The following ACOXL variants were observed in gnomAD, a reference collection of about 807,000 sequenced individuals.
ACOXL encodes acyl-CoA oxidase like, also known as acyl-coenzyme A oxidase-like protein.
ACOXL carries 70 observed loss-of-function variants against 71.9 expected under a neutral mutation model. That is an observed-to-expected ratio of 0.97 (90% CI 0.80 to 1.19). ACOXL has a LOEUF of 1.19. Ranked by LOEUF, ACOXL falls within the 50% of genes most tolerant of loss-of-function variation. ACOXL has a pLI of 0.00. For missense variants in ACOXL, 703 were observed against 736.3 expected (o/e 0.95, Z 0.52); for synonymous variants, 253 against 281.6 (o/e 0.90, Z 1.02).
intron 16 of ACOXL, among the ~76,000 whole-genome samples, chr2:111,089,360 T>G (rs1055671469): frequency 2.0e-5 from 3 of 152,218 alleles, no homozygotes; most frequent in Non-Finnish European, 4.4e-5. Flanking sequence ...GTCTTGATTT[T>G]GGCCAACATT....
intron 10 of ACOXL, among the ~76,000 whole-genome samples, chr2:110,880,757 G>A (rs1696539764): frequency 6.6e-6 from 1 of 152,170 alleles, no homozygotes; most frequent in African/African-American, 2.4e-5. Flanking sequence ...AGATTGGAGT[G>A]AGCTGTGATG....
At chr2:110,935,619 C>G (rs2060633417) in intron 12 of ACOXL, among the ~76,000 whole-genome samples, 2 of 152,224 alleles carry the variant, frequency 1.3e-5, no homozygotes, top group Non-Finnish European at 2.9e-5. Flanking sequence ...GGCACGCTGC[C>G]TCACAGAACT....
intron 12 of ACOXL, among the ~76,000 whole-genome samples, chr2:110,984,281 A>G (rs1251563585): frequency 2.0e-5 from 3 of 152,196 alleles, no homozygotes; most frequent in Non-Finnish European, 4.4e-5. Context: ...ACACACATAT[A>G]TACTACATAG....
intron 12 of ACOXL, among the ~76,000 whole-genome samples, chr2:110,979,892 C>T (rs1429264920): frequency 6.6e-6 from 1 of 152,150 alleles, no homozygotes; most frequent in African/African-American, 2.4e-5. Flanking sequence ...TGCAGAAATT[C>T]TGAGTTTTCA....
chr2:110,968,111 C>G, intron 12 of ACOXL: 1 of 1,335,172 alleles, frequency 7.5e-7, no homozygotes, highest in Non-Finnish European at 1.1e-6. Flanking sequence ...GTTGGCCTGA[C>G]AAATTATGCT....
chr2:110,919,561 A>G (rs563510292), intron 11 of ACOXL, among the ~76,000 whole-genome samples: 1 of 152,274 alleles, frequency 6.6e-6, no homozygotes, highest in South Asian at 2.1e-4. Context: ...TATAATAGTA[A>G]AAAAATAAAA....
rs751758374 is a variant in ACOXL at position 110,955,442 on chromosome 2, C to G, written c.1059+21800C>G. ...CTAGTCCACCTCCCTCTCTCTCTCT[C>G]TCTCTCTCTCTCTGTCTCTCGCCAC... On this transcript the variant is annotated intron_variant, in intron 12 of 17. Coordinates refer to ENST00000439055, the MANE Select transcript of ACOXL (RefSeq NM_001142807.4). 5.4e-3 allele frequency among the ~76,000 whole-genome samples: 817 copies of G among 151,752 alleles called. 1 individual carries two copies. Among genetic ancestry groups the G allele is most frequent in the Admixed American group, 0.01 (153 of 15,212 alleles).
intron 1 of ACOXL, among the ~76,000 whole-genome samples, chr2:110,768,131 C>G (rs892989666): frequency 1.3e-4 from 20 of 152,102 alleles, no homozygotes; most frequent in Non-Finnish European, 2.2e-4. Flanking sequence ...GACACCATCT[C>G]AAATAATAAT....
intron 8 of ACOXL, among the ~76,000 whole-genome samples, chr2:110,802,823 C>G (rs969981879): frequency 6.6e-6 from 1 of 151,940 alleles, no homozygotes; most frequent in Non-Finnish European, 1.5e-5. Flanking sequence ...TATTGTACAG[C>G]GTGATAATAG....
chr2:111,076,770 C>T (rs923777096), intron 16 of ACOXL, among the ~76,000 whole-genome samples: 2 of 152,296 alleles, frequency 1.3e-5, no homozygotes, highest in Admixed American at 6.5e-5. Context: ...AGTCTGAAAT[C>T]GGTATCACTG....
intron 12 of ACOXL, among the ~76,000 whole-genome samples, chr2:110,945,745 G>A (rs1014209290): frequency 2.0e-4 from 30 of 152,116 alleles, no homozygotes; most frequent in African/African-American, 7.0e-4. Flanking sequence ...GGTTACTGTA[G>A]CCTTGTAGTA....
chr2:110,902,511 A>C (rs774152070), intron 10 of ACOXL, among the ~76,000 whole-genome samples: 8 of 152,142 alleles, frequency 5.3e-5, no homozygotes, highest in Non-Finnish European at 1.0e-4. Context: ...AAACAAAACA[A>C]AAAAGCAGCA....
intron 7 of ACOXL, 21 bp downstream of exon 7, chr2:110,799,121 T>A: frequency 6.2e-7 from 1 of 1,608,736 alleles, no homozygotes; most frequent in Non-Finnish European, 8.5e-7. Context: ...AGGTGCCCTT[T>A]TCCTGTGCTC....
chr2:110,910,127 C>T (rs1483815317), intron 11 of ACOXL, among the ~76,000 whole-genome samples: 5 of 152,144 alleles, frequency 3.3e-5, no homozygotes, highest in African/African-American at 9.7e-5. Flanking sequence ...TTCCCTCTGG[C>T]CCCTTTGCAG....
rs1204806951 is a variant in ACOXL at position 111,077,618 on chromosome 2, T to G, written c.1441-15247T>G. ...TTTAACAATTTTTTTAGAGCAGATT[T>G]GCTGGCAACAAATTCTGTTTTCTCA... On this transcript the variant is annotated intron_variant, in intron 16 of 17. Transcript: ENST00000439055. Among the ~76,000 whole-genome samples the G allele has an allele frequency of 4.6e-5, 7 of 152,232 alleles. No individual in the cohort carries two copies. In the East Asian group the frequency reaches 1.3e-3, roughly 29 times the overall value.
intron 2 of ACOXL, among the ~76,000 whole-genome samples, chr2:110,769,833 CAAAAAAT>C (rs551867219): frequency 3.1e-4 from 47 of 150,612 alleles, no homozygotes; most frequent in Non-Finnish European, 3.5e-4. Flanking sequence ...GACTCTGTCT[CAAAAAAT>C]AAAATAAAAT....
rs1010743363 is a variant in ACOXL, at chr2:110,886,967, T to C, written c.789-21822T>C. On this transcript the variant is annotated intron_variant, in intron 10 of 17. Coordinates refer to ENST00000439055, the MANE Select transcript of ACOXL (RefSeq NM_001142807.4). ...TCCCTATAGGCTTCTCACTGCACTA[T>C]CCCAAACTTTTTATCTGAGAATGTT... 4 of 1,225,340 alleles carry C rather than the reference T, an allele frequency of 3.3e-6. No individual in the cohort carries two copies. In the African/African-American group the frequency reaches 4.6e-5, roughly 14 times the overall value. The allele number at this position is 1,225,340 out of a possible 1,614,324, so 75.9% of individuals were successfully genotyped here. A position where few individuals can be genotyped will look rare whatever the true frequency, so the allele number is the denominator to read the frequency against.
chr2:110,736,035 T>A (rs1009125115), intron 1 of ACOXL, among the ~76,000 whole-genome samples: 1 of 152,142 alleles, frequency 6.6e-6, no homozygotes, highest in African/African-American at 2.4e-5. Context: ...TCCCTTTCTT[T>A]CTCTTTGTCC....
chr2:110,810,884 T>C (rs907209082), intron 9 of ACOXL, among the ~76,000 whole-genome samples: 8 of 152,130 alleles, frequency 5.3e-5, no homozygotes, highest in Non-Finnish European at 8.8e-5. Context: ...AAACTTACAG[T>C]CATGGCAGAA....
Sources: gnomAD v4.1 joint callset for allele counts (sites outside exome capture counted in the v4.1 genomes callset) on GRCh38, gnomAD v4.1.1 for gene constraint, MANE v1.5 for transcripts, NCBI Gene and HGNC (gene_info 2026-07-23, HGNC 2026-07-21) for gene names.